FOXP1: variants seen among roughly 807,000 people sequenced by gnomAD.
FOXP1 encodes the protein forkhead box P1.
Under a neutral mutation model 98.2 loss-of-function variants are expected in FOXP1, and 15 were observed. That is an observed-to-expected ratio of 0.15 (90% CI 0.10 to 0.24). The LOEUF (loss-of-function observed/expected upper bound fraction) is 0.24. Among genes scored for constraint, FOXP1 ranks in the 10% least tolerant of loss-of-function variants. The pLI, the probability that FOXP1 is intolerant of heterozygous loss-of-function variation, is 1.00. For missense variants in FOXP1, 633 were observed against 848.5 expected (o/e 0.75, Z 3.15); for synonymous variants, 371 against 314.5 (o/e 1.18, Z -1.90).
At chr3:71,289,535 A>G (rs553432614) in intron 5 of FOXP1, 3 of 151,198 alleles carry the variant, frequency 2.0e-5, no homozygotes, top group African/African-American at 7.3e-5. Context: ...CCTACTTTAA[A>G]CACTTACCTT....
chr3:70,985,567 CAG>C (rs1313886606), intron 14 of FOXP1, among the ~76,000 whole-genome samples: 4 of 152,128 alleles, frequency 2.6e-5, no homozygotes, highest in Non-Finnish European at 5.9e-5. Context: ...ACTCCGACAA[CAG>C]AGTGTCACAC....
At chr3:71,243,572 A>C (rs2067470123) in intron 5 of FOXP1, among the ~76,000 whole-genome samples, 1 of 152,236 alleles carries the variant, frequency 6.6e-6, no homozygotes, top group East Asian at 1.9e-4. Flanking sequence ...ACGTGGTTTG[A>C]ACTAATGAAC....
chr3:71,279,172 C>CAAAAAAAAAAAAA (rs11308828), intron 5 of FOXP1, among the ~76,000 whole-genome samples: 3 of 69,790 alleles, frequency 4.3e-5, no homozygotes, highest in Non-Finnish European at 8.3e-5. Context: ...AACTCCATCT[C>CAAAAAAAAAAAAA]AAAAAAAAAA....
In FOXP1 at chr3:71,065,215, G is replaced by C. The variant is rs143941224; in HGVS notation, c.283-11442C>G. Among the ~76,000 whole-genome samples the C allele has an allele frequency of 3.8e-3, 575 of 151,244 alleles. 2 individuals are homozygous for C. The highest frequency in any genetic ancestry group is 5.6e-3 in the Non-Finnish European group (378 of 67,700). Reference sequence around the variant, plus strand: ...CCCGCCTCCGGCTGACGTCTGGGTCGGCCGGGCTCGGCGCGCACCGCTCCC... The same window carrying C: ...CCCGCCTCCGGCTGACGTCTGGGTCCGCCGGGCTCGGCGCGCACCGCTCCC... On this transcript the variant is annotated intron_variant, in intron 7 of 20. Transcript: ENST00000649528.
rs577655173 is a variant in FOXP1 at position 71,172,118 on chromosome 3, C to T, written c.180+26084G>A. On this transcript the variant is annotated intron_variant, in intron 6 of 20. Transcript: ENST00000649528. ...GCCTCCTTTGCTTAATCATGGATAT[C>T]GTGGCTTTTGTTTTCTGGAAGCTCG... Among the ~76,000 whole-genome samples, 207 of 152,196 alleles carry T rather than the reference C, an allele frequency of 1.4e-3. 2 individuals carry two copies. Among genetic ancestry groups the T allele is most frequent in the African/African-American group, 4.6e-3 (190 of 41,518 alleles).
chr3:71,539,070 T>A (rs2044549468), intron 2 of FOXP1, among the ~76,000 whole-genome samples: 1 of 151,584 alleles, frequency 6.6e-6, no homozygotes. Context: ...TCTTGATTAT[T>A]GTAGCTTTGT....
intron 7 of FOXP1, among the ~76,000 whole-genome samples, chr3:71,078,128 G>A (rs933815383): frequency 1.2e-4 from 17 of 144,340 alleles, no homozygotes; most frequent in Non-Finnish European, 1.7e-4. Flanking sequence ...CACCCCGCCC[G>A]GCCTCCTCTG....
chr3:71,441,298 T>C (rs182418900), intron 3 of FOXP1, among the ~76,000 whole-genome samples: 3 of 152,336 alleles, frequency 2.0e-5, no homozygotes, highest in Admixed American at 1.3e-4. Context: ...CAGTCTTGGT[T>C]GTCACTGTCA....
At chr3:71,304,207 C>G (rs9823537) in intron 4 of FOXP1, among the ~76,000 whole-genome samples, 359 of 152,300 alleles carry the variant, frequency 2.4e-3, no homozygotes, top group African/African-American at 7.9e-3. Context: ...GAAATTACTT[C>G]AGGCTGGCAG....
intron 11 of FOXP1, among the ~76,000 whole-genome samples, chr3:71,025,858 T>A (rs144331082): frequency 5.9e-4 from 90 of 152,318 alleles, no homozygotes; most frequent in Admixed American, 1.6e-3. Context: ...CTGCTTTAAG[T>A]ATCTTCTAAG....
chr3:71,281,059 A>AAAAG (rs2071499948), intron 5 of FOXP1, among the ~76,000 whole-genome samples: 1 of 148,336 alleles, frequency 6.7e-6, no homozygotes, highest in African/African-American at 2.5e-5. Context: ...AAAAAAAAAA[A>AAAAG]AAGAAGAAGA....
chr3:71,480,212 C>CA (rs1289268547), intron 3 of FOXP1, among the ~76,000 whole-genome samples: 1 of 151,856 alleles, frequency 6.6e-6, no homozygotes, highest in Non-Finnish European at 1.5e-5. Flanking sequence ...AACAAACAAA[C>CA]AAAAAACCCC....
intron 7 of FOXP1, among the ~76,000 whole-genome samples, chr3:71,112,165 A>G (rs1370217198): frequency 1.3e-5 from 2 of 152,210 alleles, no homozygotes; most frequent in East Asian, 3.9e-4. Flanking sequence ...GGATGACTAC[A>G]CTAAAGTAAG....
intron 2 of FOXP1, among the ~76,000 whole-genome samples, chr3:71,552,881 A>G (rs967589449): frequency 1.3e-5 from 2 of 152,090 alleles, no homozygotes; most frequent in Non-Finnish European, 2.9e-5. Flanking sequence ...TAATCTTCTT[A>G]GTACATACAC....
At chr3:71,261,439 A>G (rs1214207107) in intron 5 of FOXP1, among the ~76,000 whole-genome samples, 1 of 152,156 alleles carries the variant, frequency 6.6e-6, no homozygotes, top group Non-Finnish European at 1.5e-5. Flanking sequence ...GCAAACTGGT[A>G]TAACACAGAG....
chr3:71,515,112 A>C (rs939299391), intron 2 of FOXP1, among the ~76,000 whole-genome samples: 1 of 152,194 alleles, frequency 6.6e-6, no homozygotes, highest in Admixed American at 6.5e-5. Context: ...ATTTTACGAC[A>C]GACCTCCATT....
intron 3 of FOXP1, among the ~76,000 whole-genome samples, chr3:71,363,022 T>G (rs1009390294): frequency 3.9e-5 from 6 of 152,200 alleles, no homozygotes; most frequent in African/African-American, 1.2e-4. Flanking sequence ...AAGTTCTTTG[T>G]ACTTTAAATT....
chr3:71,577,251 C>A (rs1405160979), intron 2 of FOXP1, among the ~76,000 whole-genome samples: 1 of 152,180 alleles, frequency 6.6e-6, no homozygotes, highest in Non-Finnish European at 1.5e-5. Flanking sequence ...TGTACTTCCT[C>A]TTTGCAGAAT....
At chr3:71,103,951 T>TC (rs199683908) in intron 7 of FOXP1, among the ~76,000 whole-genome samples, 1,928 of 152,100 alleles carry the variant, frequency 0.013, 44 homozygotes, top group African/African-American at 0.044. Context: ...CTTAAGATGT[T>TC]CCCCCCCCAA....
Sources: allele counts gnomAD v4.1 joint callset (sites outside exome capture counted in the v4.1 genomes callset), GRCh38; gene constraint gnomAD v4.1.1; transcripts MANE v1.5; gene names NCBI Gene and HGNC (gene_info 2026-07-23, HGNC 2026-07-21).